PRKN: variants seen among roughly 807,000 people sequenced by gnomAD.
PRKN encodes E3 ubiquitin-protein ligase parkin.
A neutral mutation model predicts 59.5 loss-of-function variants in PRKN; 56 were observed. That is an observed-to-expected ratio of 0.94 (90% confidence interval 0.76 to 1.18). The LOEUF is 1.18. Among genes scored for constraint, PRKN ranks in the 50% most tolerant of loss-of-function variants. The probability of loss-of-function intolerance (pLI) is 0.00; values close to 1 mark genes in which losing one functional copy is unlikely to be tolerated. For missense variants in PRKN, 657 were observed against 596.4 expected, an observed-to-expected ratio of 1.10 and a Z score of -1.06; for synonymous variants, 250 against 222.1, an observed-to-expected ratio of 1.13 and a Z score of -1.12.
intron 1 of PRKN, among the ~76,000 whole-genome samples, chr6:162,513,522 G>C (rs901947399): frequency 1.3e-5 from 2 of 150,794 alleles, no homozygotes; most frequent in African/African-American, 2.4e-5. Context: ...GAAGGAAAGA[G>C]AGAGAGAAAG....
intron 5 of PRKN, among the ~76,000 whole-genome samples, chr6:161,989,433 C>A (rs755682060): frequency 6.6e-6 from 1 of 152,108 alleles, no homozygotes; most frequent in Non-Finnish European, 1.5e-5. Flanking sequence ...ACCTACCATA[C>A]CTGTTGCCAC....
intron 7 of PRKN, among the ~76,000 whole-genome samples, chr6:161,750,813 T>C (rs183368471): frequency 6.6e-6 from 1 of 151,754 alleles, no homozygotes; most frequent in African/African-American, 2.4e-5. Context: ...ACGGAATTGA[T>C]TTAATAGATG....
chr6:162,464,592 G>T (rs982403254), intron 1 of PRKN, among the ~76,000 whole-genome samples: 1 of 149,196 alleles, frequency 6.7e-6, no homozygotes, highest in Non-Finnish European at 1.5e-5. Flanking sequence ...GAGGCGTGTG[G>T]ATCACGAGGT....
intron 2 of PRKN, among the ~76,000 whole-genome samples, chr6:162,306,926 C>G (rs1383679466): frequency 2.0e-5 from 3 of 152,152 alleles, no homozygotes; most frequent in Non-Finnish European, 4.4e-5. Context: ...TGTTGTTTAA[C>G]TCAAGTGAAA....
intron 5 of PRKN, among the ~76,000 whole-genome samples, chr6:161,997,297 C>G (rs970037275): frequency 6.6e-6 from 1 of 152,048 alleles, no homozygotes; most frequent in Non-Finnish European, 1.5e-5. Flanking sequence ...CTGAGAGGTA[C>G]AAACTACAAC....
At chr6:162,096,807 ATGT>A in intron 4 of PRKN, among the ~76,000 whole-genome samples, 1 of 123,728 alleles carries the variant, frequency 8.1e-6, no homozygotes, top group Non-Finnish European at 1.7e-5. Flanking sequence ...AGTCTTGGGT[ATGT>A]CTTTATCAGA....
chr6:161,888,055 AT>A (rs1284002745), intron 6 of PRKN, among the ~76,000 whole-genome samples: 1 of 152,186 alleles, frequency 6.6e-6, no homozygotes, highest in African/African-American at 2.4e-5. Flanking sequence ...TTTTGAACAT[AT>A]GGTTTAAAAA....
chr6:161,398,240 A>T (rs9355896), intron 9 of PRKN, among the ~76,000 whole-genome samples: 10,742 of 152,196 alleles, frequency 0.071, 484 homozygotes, highest in South Asian at 0.2. Flanking sequence ...GAGGAGAGTC[A>T]CAGATAGAGA....
Position 161,356,072 on chromosome 6 carries a change from T to C in PRKN, c.1285+4016A>G, listed in dbSNP as rs1028593973. On this transcript the variant is annotated intron_variant, in intron 11 of 11. Coordinates refer to ENST00000366898, the MANE Select transcript of PRKN (RefSeq NM_004562.3). This position sits in a 1 kb window ranked among gnomAD's most constrained non-coding sequence, Gnocchi z 7.8. The stretch of plus-strand genomic sequence containing the variant: ...TCCTGAATTTCGTTAGTGGGTTGGG[T>C]ATTATGACCAACCAGTAGTCATGGG... 2.6e-5 allele frequency among the ~76,000 whole-genome samples: 4 copies of C among 152,016 alleles called. No individual in the cohort carries two copies. The highest frequency in any genetic ancestry group is 9.7e-5 in the African/African-American group (4 of 41,374).
rs560167385 is a variant in PRKN, at chr6:161,586,874, C to G, written c.872-17458G>C. The stretch of plus-strand genomic sequence containing the variant: ...GATTCTGAATCCAGAGCAACAACAA[C>G]CAATTATGAAGAAATGGTCTCTGTG... On this transcript the variant is annotated intron_variant, in intron 7 of 11. Coordinates refer to ENST00000366898, the MANE Select transcript of PRKN (RefSeq NM_004562.3). Among the ~76,000 whole-genome samples the G allele has an allele frequency of 1.9e-4, 29 of 152,282 alleles. No individual in the cohort carries two copies. The South Asian group carries it at 5.4e-3, about 28-fold the overall frequency.
Position 161,376,754 on chromosome 6 carries a change from G to A in PRKN, c.1167+10040C>T, listed in dbSNP as rs867245159. On this transcript the variant is annotated intron_variant, in intron 10 of 11. Transcript: ENST00000366898. This position sits in a 1 kb window ranked among gnomAD's most constrained non-coding sequence, Gnocchi z 7.3. The stretch of plus-strand genomic sequence containing the variant: ...AGTCTTCTGTGGCAACCGCACTGCA[G>A]TGGGACTCCACCTCTGCCCAACCCT... Among the ~76,000 whole-genome samples the A allele has an allele frequency of 6.6e-5, 10 of 152,222 alleles. No individual in the cohort carries two copies. Among genetic ancestry groups the A allele is most frequent in the Middle Eastern group, 3.2e-3 (1 of 316 alleles).
chr6:162,577,270 A>G (rs1562401641), intron 1 of PRKN, among the ~76,000 whole-genome samples: 1 of 152,188 alleles, frequency 6.6e-6, no homozygotes, highest in Non-Finnish European at 1.5e-5. Context: ...ATCAAATCAC[A>G]TGGAAAAGAA....
intron 10 of PRKN, among the ~76,000 whole-genome samples, chr6:161,365,798 T>C (rs951537810): frequency 2.0e-5 from 3 of 152,160 alleles, no homozygotes; most frequent in Non-Finnish European, 4.4e-5. Flanking sequence ...GCAAGTTTAA[T>C]ACCTAGGAGT....
chr6:162,420,260 G>GT (rs1554319547), intron 2 of PRKN, among the ~76,000 whole-genome samples: 5 of 105,934 alleles, frequency 4.7e-5, no homozygotes, highest in East Asian at 5.9e-4. Flanking sequence ...ATTTCACAAT[G>GT]GCGGGGAGGG....
chr6:162,242,776 A>G (rs891672314), intron 3 of PRKN, among the ~76,000 whole-genome samples: 3 of 152,050 alleles, frequency 2.0e-5, no homozygotes, highest in Non-Finnish European at 4.4e-5. Flanking sequence ...TTGCCCCAAC[A>G]TATTTAGTTT....
Position 161,462,165 on chromosome 6 carries a change from C to A in PRKN, c.1084-75288G>T, listed in dbSNP as rs1385406147. On this transcript the variant is annotated intron_variant, in intron 9 of 11. Transcript: ENST00000366898. This position sits in a 1 kb window ranked among gnomAD's most constrained non-coding sequence, Gnocchi z 4.5. The stretch of plus-strand genomic sequence containing the variant: ...ACATGCTTTGTCTCATCCTTTTCAT[C>A]TTTGCACAATATTAGCCTCTACTGT... Among the ~76,000 whole-genome samples the A allele has an allele frequency of 6.6e-6, 1 of 152,210 alleles. No individual in the cohort carries two copies. Among genetic ancestry groups the A allele is most frequent in the Admixed American group, 6.5e-5 (1 of 15,286 alleles).
chr6:162,104,550 C>T (rs545091146), intron 4 of PRKN, among the ~76,000 whole-genome samples: 96 of 152,126 alleles, frequency 6.3e-4, no homozygotes, highest in Non-Finnish European at 7.9e-4. Context: ...ATCAAAGAAC[C>T]GGTGCTTCTC....
At chr6:162,337,546 A>G (rs1173051513) in intron 2 of PRKN, among the ~76,000 whole-genome samples, 1 of 152,194 alleles carries the variant, frequency 6.6e-6, no homozygotes, top group Non-Finnish European at 1.5e-5. Context: ...AGTGTGAGGG[A>G]TTTGAGAACA....
chr6:161,438,720 G>C (rs1224395101), intron 9 of PRKN, among the ~76,000 whole-genome samples: 1 of 152,182 alleles, frequency 6.6e-6, no homozygotes, highest in East Asian at 1.9e-4. Flanking sequence ...TAAGGAATTA[G>C]TAAACCGTTA....
Sources: gnomAD v4.1 joint callset for allele counts (sites outside exome capture counted in the v4.1 genomes callset) on GRCh38, gnomAD v4.1.1 for gene constraint, Gnocchi (gnomAD v3.1) non-coding constraint, MANE v1.5 for transcripts, NCBI Gene and HGNC (gene_info 2026-07-23, HGNC 2026-07-21) for gene names.